GPAT4: variants seen among roughly 807,000 people sequenced by gnomAD.
The protein encoded by GPAT4 is 1-AGP acyltransferase 6.
In GPAT4, 17 loss-of-function variants were observed where a neutral mutation model predicts 58.0. That is an observed-to-expected ratio of 0.29 (90% confidence interval 0.20 to 0.44). GPAT4 has a LOEUF of 0.44. Ranked by LOEUF, GPAT4 falls within the 20% of genes least tolerant of loss-of-function variation. The pLI, the probability that GPAT4 is intolerant of heterozygous loss-of-function variation, is 1.00. For synonymous variants in GPAT4, 204 were observed against 210.1 expected (o/e 0.97, Z 0.25); for missense variants, 377 against 574.5 (o/e 0.66, Z 3.51).
rs10958691 is a variant in GPAT4, at chr8:41,592,244, T to A, written c.-848-6048T>A. On this transcript the variant is annotated intron_variant, in intron 1 of 12. Transcript: ENST00000396987. ...CTGCCCACTGGTTGGGTAATTTGGC[T>A]TAAGCTCTATGCCCACATATCCAGT... Among the ~76,000 whole-genome samples, 15 of 152,066 alleles carry A rather than the reference T, an allele frequency of 9.9e-5. No individual in the cohort carries two copies. In the East Asian group the frequency reaches 1.9e-3, roughly 20 times the overall value.
At chr8:41,594,405 G>A (rs1585655495) in intron 1 of GPAT4, among the ~76,000 whole-genome samples, 1 of 151,894 alleles carries the variant, frequency 6.6e-6, no homozygotes, top group East Asian at 1.9e-4. Context: ...CACATAAACT[G>A]TTTTTTTAAA....
chr8:41,614,539 G>A (rs1803540507), intron 9 of GPAT4, 98 bp downstream of exon 9: 1 of 1,246,052 alleles, frequency 8.0e-7, no homozygotes, highest in East Asian at 2.3e-5. Flanking sequence ...CCTTGTTGGG[G>A]TTATCTGTTT....
chr8:41,608,537 CAGCGAAACCAGTTTTAATGA>C (rs1456232887), intron 2 of GPAT4, among the ~76,000 whole-genome samples: 2 of 152,206 alleles, frequency 1.3e-5, no homozygotes, highest in Non-Finnish European at 2.9e-5. Context: ...TGTCTTATAC[CAGCGAAACCAGTTTTAATGA>C]AGAGGGATTC....
intron 2 of GPAT4, among the ~76,000 whole-genome samples, chr8:41,603,561 C>T (rs1252621782): frequency 6.6e-6 from 1 of 151,336 alleles, no homozygotes; most frequent in Non-Finnish European, 1.5e-5. Context: ...TTTTGGGCCC[C>T]AGAACCTGCT....
intron 1 of GPAT4, among the ~76,000 whole-genome samples, chr8:41,583,317 G>T (rs1365754693): frequency 6.7e-6 from 1 of 149,152 alleles, no homozygotes; most frequent in Admixed American, 6.7e-5. Context: ...TTCCATTTAA[G>T]TTTTTTTTTT....
intron 3 of GPAT4, 71 bp downstream of exon 3, chr8:41,609,556 C>T (rs1355819903): frequency 1.1e-5 from 17 of 1,601,942 alleles, no homozygotes; most frequent in Non-Finnish European, 1.5e-5. Context: ...TCTGGTGCCA[C>T]ACACGCTCTT....
chr8:41,611,864 T>C, intron 5 of GPAT4, 39 bp from the exon 6 acceptor site: 1 of 1,594,440 alleles, frequency 6.3e-7, no homozygotes, highest in Non-Finnish European at 8.6e-7. Context: ...TCTTCCTGTA[T>C]GTAAAATAAA....
chr8:41,585,861 C>A (rs760332954), intron 1 of GPAT4, among the ~76,000 whole-genome samples: 9 of 152,236 alleles, frequency 5.9e-5, no homozygotes, highest in Non-Finnish European at 1.3e-4. Context: ...CCAGTCTAAT[C>A]ACCATAATGT....
chr8:41,581,668 G>A (rs1360175130), intron 1 of GPAT4, among the ~76,000 whole-genome samples: 7 of 136,262 alleles, frequency 5.1e-5, no homozygotes, highest in South Asian at 4.5e-4. Flanking sequence ...TTGCTCTGTC[G>A]CCCAGGCTGG....
chr8:41,597,041 A>G (rs944626448), intron 1 of GPAT4, among the ~76,000 whole-genome samples: 2 of 152,198 alleles, frequency 1.3e-5, no homozygotes, highest in African/African-American at 2.4e-5. Context: ...GCTTTTCCAT[A>G]CAGTGTCTGA....
intron 1 of GPAT4, among the ~76,000 whole-genome samples, chr8:41,579,279 C>G (rs953614803): frequency 6.6e-6 from 1 of 152,214 alleles, no homozygotes; most frequent in African/African-American, 2.4e-5. Flanking sequence ...TGTACTTGTT[C>G]TGGCCTCCTC....
intron 2 of GPAT4, among the ~76,000 whole-genome samples, chr8:41,599,620 G>A (rs538738841): frequency 1.3e-5 from 2 of 152,310 alleles, no homozygotes; most frequent in South Asian, 2.1e-4. Flanking sequence ...GCCATAGCTC[G>A]AAGCTGCTGC....
chr8:41,620,785 T>C, intron 12 of GPAT4, 108 bp from the exon 13 acceptor site: 5 of 1,492,724 alleles, frequency 3.3e-6, no homozygotes, highest in Non-Finnish European at 4.5e-6. Context: ...GGTACCCTGT[T>C]TCTGGCAGGT....
chr8:41,609,471 A>G lies in GPAT4; in HGVS notation c.221A>G (p.Lys74Arg). 1 of 1,614,122 alleles carries G rather than the reference A, an allele frequency of 6.2e-7. No homozygotes were observed. Among genetic ancestry groups the G allele is most frequent in the Non-Finnish European group, 8.5e-7 (1 of 1,180,000 alleles). ...GAKEKNHQLY[K>R]PYTNGIIAKD... The stretch of plus-strand genomic sequence containing the variant: ...AAGGAGAAGAACCACCAGCTTTACA[A>G]GCCCTACACCAACGGTAAGATGGGG... The change falls in exon 3 of 13, where the codon AAG (lysine) becomes AGG (arginine). Residue 74 changes from lysine (K) to arginine (R), a missense_variant. Transcript: ENST00000396987.
intron 1 of GPAT4, among the ~76,000 whole-genome samples, chr8:41,585,976 A>T (rs1206110545): frequency 1.3e-5 from 2 of 152,248 alleles, no homozygotes; most frequent in African/African-American, 4.8e-5. Flanking sequence ...CTTTATTGAG[A>T]TACAATTCAC....
chr8:41,580,836 T>C (rs1016461076), intron 1 of GPAT4, among the ~76,000 whole-genome samples: 11 of 152,328 alleles, frequency 7.2e-5, no homozygotes, highest in African/African-American at 2.4e-4. Flanking sequence ...TGTGTGTCTA[T>C]TTTGTGTTTG....
At chr8:41,593,623 T>G (rs1020311310) in intron 1 of GPAT4, among the ~76,000 whole-genome samples, 1 of 152,156 alleles carries the variant, frequency 6.6e-6, no homozygotes, top group African/African-American at 2.4e-5. Flanking sequence ...TTTTTTGCTG[T>G]ACGAACAGCA....
In GPAT4 at chr8:41,613,386, A is replaced by G. The variant is rs148650045; in HGVS notation, c.911+426A>G. ...GGGCGATAGAATGAGACTCTGTCTT[A>G]AAAAAAAAAGTATAGAAACCCTAGT... On this transcript the variant is annotated intron_variant, in intron 8 of 12. Coordinates refer to ENST00000396987, the MANE Select transcript of GPAT4 (RefSeq NM_178819.4). Among the ~76,000 whole-genome samples, 524 of 148,280 alleles carry G rather than the reference A, an allele frequency of 3.5e-3. 5 individuals are homozygous for G. The highest frequency in any genetic ancestry group is 0.013 in the African/African-American group (508 of 40,588).
chr8:41,588,583 A>G (rs372935242), intron 1 of GPAT4, among the ~76,000 whole-genome samples: 4 of 151,138 alleles, frequency 2.6e-5, no homozygotes, highest in African/African-American at 7.3e-5. Flanking sequence ...TTCCTTGTCA[A>G]CAGTCATCAT....
Sources: allele counts gnomAD v4.1 joint callset (sites outside exome capture counted in the v4.1 genomes callset), GRCh38; gene constraint gnomAD v4.1.1; transcripts MANE v1.5; gene names NCBI Gene and HGNC (gene_info 2026-07-23, HGNC 2026-07-21).